The following YIPF4 variants were observed in gnomAD, a reference collection of about 807,000 sequenced individuals.
YIPF4 encodes protein YIPF4.
In YIPF4, 18 loss-of-function variants were observed where a neutral mutation model predicts 29.4. That is an observed-to-expected ratio of 0.61 (90% CI 0.42 to 0.91). The LOEUF (loss-of-function observed/expected upper bound fraction) is 0.91. Among genes scored for constraint, YIPF4 ranks in the 40% least tolerant of loss-of-function variants. The pLI, the probability that YIPF4 is intolerant of heterozygous loss-of-function variation, is 0.00. For missense variants in YIPF4, 279 were observed against 282.7 expected, an observed-to-expected ratio of 0.99 and a Z score of 0.09; for synonymous variants, 115 against 104.7, an observed-to-expected ratio of 1.10 and a Z score of -0.60.
chr2:32,300,199 G>A (rs1009779722), intron 4 of YIPF4, among the ~76,000 whole-genome samples: 30 of 152,186 alleles, frequency 2.0e-4, no homozygotes, highest in Non-Finnish European at 4.3e-4. Flanking sequence ...CCGGGAGGCG[G>A]AGGTTGTGGT....
chr2:32,307,249 GAT>G lies in YIPF4; in HGVS notation c.*1624_*1625del, dbSNP rs1360728524. On this transcript the variant is annotated 3_prime_UTR_variant, in exon 6 of 6. Coordinates refer to ENST00000238831, the MANE Select transcript of YIPF4 (RefSeq NM_032312.4). ...CTGAGGTTAATACTTTGTTATAATG[GAT>G]TATAATATTTGACATTCATAGTGTT... 2.6e-6 allele frequency: 2 copies of G among 762,860 alleles called. No individual in the cohort carries two copies. The highest frequency in any genetic ancestry group is 1.9e-4 in the East Asian group (2 of 10,596). The allele number at this position is 762,860 out of a possible 1,614,324, so 47.3% of individuals were successfully genotyped here.
rs2031815702 is a variant in YIPF4, at chr2:32,315,858, G to T, written c.*10232G>T. 1 of 151,820 alleles carries T rather than the reference G, an allele frequency of 6.6e-6. No individual in the cohort carries two copies. The highest frequency in any genetic ancestry group is 6.6e-5 in the Admixed American group (1 of 15,220). The allele number at this position is 151,820 out of a possible 1,614,324, so 9.4% of individuals were successfully genotyped here. On this transcript the variant is annotated 3_prime_UTR_variant, in exon 6 of 6. Coordinates refer to ENST00000238831, the MANE Select transcript of YIPF4 (RefSeq NM_032312.4). ...AAGCTTTTCATATAATCTTTGAGAAGATGGGGCTTTCAAAGCGTTAAATGA... is the reference window on the plus strand; with the variant it reads ...AAGCTTTTCATATAATCTTTGAGAATATGGGGCTTTCAAAGCGTTAAATGA...
chr2:32,295,372 A>G (rs963787105), intron 3 of YIPF4, among the ~76,000 whole-genome samples: 1 of 152,142 alleles, frequency 6.6e-6, no homozygotes, highest in Non-Finnish European at 1.5e-5. Context: ...TTTAAATAAT[A>G]CAGATTTATT....
chr2:32,280,673 C>T (rs561866360), intron 1 of YIPF4, among the ~76,000 whole-genome samples: 13 of 152,220 alleles, frequency 8.5e-5, no homozygotes, highest in Admixed American at 3.9e-4. Flanking sequence ...TGAGCCACCG[C>T]GCCCGGCCTA....
At chr2:32,286,194 A>G (rs1221342643) in intron 1 of YIPF4, among the ~76,000 whole-genome samples, 1 of 152,232 alleles carries the variant, frequency 6.6e-6, no homozygotes, top group Non-Finnish European at 1.5e-5. Context: ...AAATGAGTGC[A>G]TGTCAAACTG....
intron 4 of YIPF4, among the ~76,000 whole-genome samples, chr2:32,300,323 A>G (rs913428545): frequency 1.3e-5 from 2 of 151,738 alleles, no homozygotes; most frequent in Non-Finnish European, 2.9e-5. Context: ...AGTCCCAGCT[A>G]CTCAGGAGGC....
intron 1 of YIPF4, among the ~76,000 whole-genome samples, chr2:32,286,116 T>C (rs2030659137): frequency 3.3e-5 from 5 of 152,218 alleles, no homozygotes; most frequent in Admixed American, 2.6e-4. Context: ...TTAAAACTCA[T>C]AAGGCATTAC....
chr2:32,279,644 C>CAA (rs2030299049), intron 1 of YIPF4, among the ~76,000 whole-genome samples: 2 of 150,496 alleles, frequency 1.3e-5, no homozygotes, highest in Non-Finnish European at 3.0e-5. Context: ...CTCCTGACCT[C>CAA]GTGATCCGTC....
Position 32,290,509 on chromosome 2 carries a change from G to C in YIPF4, c.106G>C (p.Asp36His). The part of the protein sequence containing the change: ...EDLSGSIASP[D>H]VKLNLGGDFI... The stretch of plus-strand genomic sequence containing the variant: ...TCTCAGTGGTTCAATAGCATCCCCA[G>C]ATGTCAAATTAAATCTTGGTGGAGA... The change falls in exon 2 of 6, where the codon GAT (aspartate) becomes CAT (histidine). Residue 36 changes from aspartate (D) to histidine (H), a missense_variant. By Grantham distance (81) the Asp-to-His change is moderately conservative. Coordinates refer to ENST00000238831, the MANE Select transcript of YIPF4 (RefSeq NM_032312.4). 2 of 1,571,562 alleles carry C rather than the reference G, an allele frequency of 1.3e-6. No homozygotes were observed. The highest frequency in any genetic ancestry group is 1.7e-6 in the Non-Finnish European group (2 of 1,159,888).
At chr2:32,282,318 GTC>G (rs2030456372) in intron 1 of YIPF4, among the ~76,000 whole-genome samples, 1 of 152,164 alleles carries the variant, frequency 6.6e-6, no homozygotes. Flanking sequence ...TCTTTCTACT[GTC>G]TCTTTCTTAC....
chr2:32,315,233 T>A lies in YIPF4; in HGVS notation c.*9607T>A, dbSNP rs552732235. ...CCAAATGGAGCATGTCAGTCAAAGG[T>A]GTCCTTATTTAAAATCTCTGGAAGC... On this transcript the variant is annotated 3_prime_UTR_variant, in exon 6 of 6. Coordinates refer to ENST00000238831, the MANE Select transcript of YIPF4 (RefSeq NM_032312.4). 6.6e-6 allele frequency: 1 copy of A among 152,318 alleles called. No individual in the cohort carries two copies. The highest frequency in any genetic ancestry group is 6.5e-5 in the Admixed American group (1 of 15,302). 9.4% of individuals were successfully genotyped at this position (152,318 alleles called of 1,614,324 possible). A position where few individuals can be genotyped will look rare whatever the true frequency, so the allele number is the denominator to read the frequency against.
intron 3 of YIPF4, among the ~76,000 whole-genome samples, chr2:32,294,475 C>T (rs1396227863): frequency 4.6e-5 from 7 of 150,852 alleles, no homozygotes; most frequent in South Asian, 2.1e-4. Flanking sequence ...GATGGGCGGC[C>T]GGGCAGAGAC....
chr2:32,278,999 G>A (rs1475127496), intron 1 of YIPF4, among the ~76,000 whole-genome samples: 1 of 149,604 alleles, frequency 6.7e-6, no homozygotes, highest in East Asian at 1.9e-4. Context: ...TTTTTCTTGA[G>A]CTCTGTCGCC....
intron 5 of YIPF4, among the ~76,000 whole-genome samples, chr2:32,304,073 A>G (rs2031495236): frequency 6.6e-6 from 1 of 152,210 alleles, no homozygotes; most frequent in African/African-American, 2.4e-5. Context: ...TATATCATTA[A>G]AAATTTAGAG....
intron 5 of YIPF4, among the ~76,000 whole-genome samples, chr2:32,302,090 G>A (rs946381848): frequency 1.3e-5 from 2 of 150,418 alleles, no homozygotes; most frequent in Non-Finnish European, 3.0e-5. Context: ...GAGTGCAGTG[G>A]CGTGATCTCA....
intron 3 of YIPF4, among the ~76,000 whole-genome samples, chr2:32,296,769 A>G (rs2031203468): frequency 6.6e-6 from 1 of 152,216 alleles, no homozygotes; most frequent in Non-Finnish European, 1.5e-5. Flanking sequence ...TAAATAGCTT[A>G]TGGAGGTACT....
intron 1 of YIPF4, among the ~76,000 whole-genome samples, chr2:32,284,348 G>T (rs1243946397): frequency 6.6e-6 from 1 of 152,184 alleles, no homozygotes; most frequent in Non-Finnish European, 1.5e-5. Context: ...GAGTGTAATG[G>T]TTTGGATTTG....
intron 1 of YIPF4, among the ~76,000 whole-genome samples, chr2:32,279,014 C>T (rs1333391703): frequency 1.3e-5 from 2 of 151,672 alleles, no homozygotes; most frequent in African/African-American, 4.9e-5. Context: ...GTCGCCCAGG[C>T]TGGAGTGCAG....
At chr2:32,281,527 C>T (rs2030414208) in intron 1 of YIPF4, among the ~76,000 whole-genome samples, 1 of 152,142 alleles carries the variant, frequency 6.6e-6, no homozygotes, top group African/African-American at 2.4e-5. Flanking sequence ...CAGGCATGAG[C>T]CACCACACCC....
Sources: allele counts gnomAD v4.1 joint callset (sites outside exome capture counted in the v4.1 genomes callset), GRCh38; gene constraint gnomAD v4.1.1; transcripts MANE v1.5; gene names NCBI Gene and HGNC (gene_info 2026-07-23, HGNC 2026-07-21).